COL13A1: variants seen among roughly 807,000 people sequenced by gnomAD.
COL13A1 encodes collagen type XIII alpha 1 chain.
A neutral mutation model predicts 130.9 loss-of-function variants in COL13A1; 89 were observed. The observed-to-expected ratio is 0.68, with a 90% confidence interval of 0.57 to 0.81. COL13A1 has a LOEUF of 0.81. Among genes scored for constraint, COL13A1 ranks in the 30% least tolerant of loss-of-function variants. The pLI, the probability that COL13A1 is intolerant of heterozygous loss-of-function variation, is 0.00. For synonymous variants in COL13A1, 402 were observed against 341.6 expected, an observed-to-expected ratio of 1.18 and a Z score of -1.95; for missense variants, 879 against 934.6, an observed-to-expected ratio of 0.94 and a Z score of 0.78.
chr10:69,937,087 G>T (rs915320124), intron 33 of COL13A1, among the ~76,000 whole-genome samples: 1 of 152,172 alleles, frequency 6.6e-6, no homozygotes, highest in Non-Finnish European at 1.5e-5. Context: ...GAGTAGAGGT[G>T]GGAGAGAGAC....
intron 35 of COL13A1, among the ~76,000 whole-genome samples, chr10:69,941,814 G>A (rs542878614): frequency 2.3e-4 from 35 of 152,186 alleles, no homozygotes; most frequent in African/African-American, 5.1e-4. Context: ...TCCCGTGAGC[G>A]CCCTCTGAGG....
intron 7 of COL13A1, among the ~76,000 whole-genome samples, chr10:69,884,754 G>A (rs144837842): frequency 5.3e-5 from 8 of 152,264 alleles, no homozygotes; most frequent in Admixed American, 6.5e-5. Context: ...ATCCCTGTGC[G>A]TGTCTTATGA....
At chr10:69,836,204 A>G (rs1850004768) in intron 2 of COL13A1, among the ~76,000 whole-genome samples, 1 of 152,232 alleles carries the variant, frequency 6.6e-6, no homozygotes, top group Non-Finnish European at 1.5e-5. Context: ...GGAAGGGGAA[A>G]CACACGGGTA....
At chr10:69,807,406 C>A (rs1841880162) in intron 1 of COL13A1, among the ~76,000 whole-genome samples, 1 of 152,198 alleles carries the variant, frequency 6.6e-6, no homozygotes, top group South Asian at 2.1e-4. Context: ...CAGGCAGACT[C>A]CTTCATCCCT....
intron 2 of COL13A1, among the ~76,000 whole-genome samples, chr10:69,830,182 GGTAAA>G (rs1461957602): frequency 3.3e-5 from 5 of 152,302 alleles, no homozygotes; most frequent in South Asian, 2.1e-4. Flanking sequence ...GGCAGTATCT[GGTAAA>G]GTAAAGAATC....
intron 7 of COL13A1, among the ~76,000 whole-genome samples, chr10:69,882,157 G>C (rs552452140): frequency 6.6e-6 from 1 of 152,306 alleles, no homozygotes; most frequent in East Asian, 1.9e-4. Flanking sequence ...TTCTAACATC[G>C]AGGACTGAGC....
In COL13A1 at chr10:69,945,934, G is replaced by A. The variant is rs562876764; in HGVS notation, c.2022+210G>A. ...AAAAATACAAAACTTAGCCACGTGT[G>A]GTGGTGCGCACCTGTATCCCAGCTA... On this transcript the variant is annotated intron_variant, in intron 37 of 40. Transcript: ENST00000645393. 5.3e-4 allele frequency among the ~76,000 whole-genome samples: 81 copies of A among 152,208 alleles called. 2 individuals carry two copies. The Middle Eastern group carries it at 0.024, about 45-fold the overall frequency.
At chr10:69,921,659 A>C (rs56926033) in intron 21 of COL13A1, among the ~76,000 whole-genome samples, 195 of 152,334 alleles carry the variant, frequency 1.3e-3, no homozygotes, top group African/African-American at 4.6e-3. Context: ...CATGGGAATA[A>C]GGAAAGCAGT....
At chr10:69,833,029 G>A (rs73265662) in intron 2 of COL13A1, among the ~76,000 whole-genome samples, 116 of 152,288 alleles carry the variant, frequency 7.6e-4, no homozygotes, top group African/African-American at 2.6e-3. Context: ...AAGGTAGACC[G>A]CAGCACGCAC....
rs181172023 is a variant in COL13A1, at chr10:69,896,930, A to G, written c.684+1354A>G. On this transcript the variant is annotated intron_variant, in intron 13 of 40. Coordinates refer to ENST00000645393, the MANE Select transcript of COL13A1 (RefSeq NM_001368882.1). ...GAAACGATGGGCTCACGGGGTTATTATGTTACCCGAAAGAAAGACAACATC... is the reference window on the plus strand; with the variant it reads ...GAAACGATGGGCTCACGGGGTTATTGTGTTACCCGAAAGAAAGACAACATC... Among the ~76,000 whole-genome samples the G allele has an allele frequency of 2.4e-3, 371 of 152,302 alleles. 2 individuals carry two copies. Among genetic ancestry groups the G allele is most frequent in the African/African-American group, 8.3e-3 (345 of 41,558 alleles).
At chr10:69,872,243 T>A (rs750466778) in intron 4 of COL13A1, 33 bp downstream of exon 4, 3 of 1,613,300 alleles carry the variant, frequency 1.9e-6, no homozygotes, top group Non-Finnish European at 2.5e-6. Flanking sequence ...TTCCTTTGCA[T>A]CTCTTTTACG....
At chr10:69,952,672 C>G (rs568643925) in intron 38 of COL13A1, among the ~76,000 whole-genome samples, 1 of 152,328 alleles carries the variant, frequency 6.6e-6, no homozygotes. Flanking sequence ...CTCCCCTCCC[C>G]CTCCCACCCA....
intron 39 of COL13A1, among the ~76,000 whole-genome samples, chr10:69,953,398 A>G (rs1249676937): frequency 6.6e-6 from 1 of 152,220 alleles, no homozygotes; most frequent in Non-Finnish European, 1.5e-5. Flanking sequence ...ATCAGGATGC[A>G]GGACACCAGA....
intron 2 of COL13A1, among the ~76,000 whole-genome samples, chr10:69,827,202 A>T (rs1847710090): frequency 6.6e-6 from 1 of 152,214 alleles, no homozygotes. Flanking sequence ...GCAGTTGAAG[A>T]AATCTGGAGC....
intron 17 of COL13A1, 32 bp from the exon 18 acceptor site, chr10:69,917,257 C>G: frequency 3.7e-6 from 6 of 1,613,206 alleles, no homozygotes; most frequent in Non-Finnish European, 5.1e-6. Context: ...GAGTCTGGTC[C>G]TCTCCTCATG....
chr10:69,877,674 G>GTCTCTCTC (rs796795043), intron 5 of COL13A1: 8 of 115,326 alleles, frequency 6.9e-5, no homozygotes, highest in Non-Finnish European at 1.4e-4. Flanking sequence ...CTCTCTCTCT[G>GTCTCTCTC]TCTCTCTCTC....
intron 25 of COL13A1, among the ~76,000 whole-genome samples, 185 bp from the exon 26 acceptor site, chr10:69,925,619 G>A (rs963171005): frequency 3.9e-5 from 6 of 152,332 alleles, no homozygotes; most frequent in Admixed American, 2.6e-4. Context: ...GAGTCTTCTC[G>A]ATTTGTTCTG....
At chr10:69,875,047 T>C (rs1564914876) in intron 4 of COL13A1, 81 bp from the exon 5 acceptor site, 3 of 1,566,478 alleles carry the variant, frequency 1.9e-6, no homozygotes, top group East Asian at 4.5e-5. Flanking sequence ...CTAAATCAGG[T>C]GCACAGTTTG....
intron 2 of COL13A1, among the ~76,000 whole-genome samples, chr10:69,839,953 T>C (rs1851152575): frequency 6.6e-6 from 1 of 152,330 alleles, no homozygotes; most frequent in Admixed American, 6.5e-5. Flanking sequence ...TCCAGTCCTC[T>C]TGGCACCGGC....
Sources: allele counts gnomAD v4.1 joint callset (sites outside exome capture counted in the v4.1 genomes callset), GRCh38; gene constraint gnomAD v4.1.1; transcripts MANE v1.5; gene names NCBI Gene and HGNC (gene_info 2026-07-23, HGNC 2026-07-21).